The following TERF2 variants were observed in gnomAD, a reference collection of about 807,000 sequenced individuals.
TERF2 encodes the protein telomeric repeat binding factor 2.
TERF2 carries 16 observed loss-of-function variants against 56.1 expected under a neutral mutation model. The observed-to-expected ratio is 0.29, with a 90% CI of 0.19 to 0.43. The LOEUF (loss-of-function observed/expected upper bound fraction) is 0.43. Among genes scored for constraint, TERF2 ranks in the 20% least tolerant of loss-of-function variants. The probability of loss-of-function intolerance (pLI) is 1.00; values close to 1 mark genes in which losing one functional copy is unlikely to be tolerated. For missense variants in TERF2, 547 were observed against 712.9 expected (o/e 0.77, Z 2.65); for synonymous variants, 296 against 282.1 (o/e 1.05, Z -0.50).
Position 69,385,385 on chromosome 16 carries a change from C to T in TERF2, c.475+6G>A. 1 of 1,612,600 alleles carries T rather than the reference C, an allele frequency of 6.2e-7. No individual in the cohort carries two copies. Among genetic ancestry groups the T allele is most frequent in the Non-Finnish European group, 8.5e-7 (1 of 1,178,758 alleles). Reference sequence around the variant, plus strand: ...AGCCCAGAGAAGAACACAAAAATAGCCATACCTAAATTTTCCCCTTCTTCA... The same window carrying T: ...AGCCCAGAGAAGAACACAAAAATAGTCATACCTAAATTTTCCCCTTCTTCA... On this transcript the variant is annotated splice_donor_region_variant and intron_variant, in intron 2 of 9. Coordinates refer to ENST00000254942, the MANE Select transcript of TERF2 (RefSeq NM_005652.5).
In TERF2 at chr16:69,359,627, A is replaced by ATTTTT. The variant is rs564611021; in HGVS notation, c.1426+1772_1426+1776dup. ...AATCTTCCTCTTACTATCATTCCCAATTTTTTTTTTTTTTTTTTTTTTTTT... is the reference window on the plus strand; with the variant it reads ...AATCTTCCTCTTACTATCATTCCCAATTTTTTTTTTTTTTTTTTTTTTTTTTTTTT... On this transcript the variant is annotated intron_variant, in intron 8 of 9. Coordinates refer to ENST00000254942, the MANE Select transcript of TERF2 (RefSeq NM_005652.5). Among the ~76,000 whole-genome samples, 65 of 72,588 alleles carry ATTTTT rather than the reference A, an allele frequency of 9.0e-4. 14 individuals carry two copies. The highest frequency in any genetic ancestry group is 2.8e-3 in the African/African-American group (45 of 16,134). The allele number at this position is 72,588 out of a possible 152,430, so 47.6% of individuals were successfully genotyped here.
At chr16:69,383,078 C>T (rs553287388) in intron 3 of TERF2, among the ~76,000 whole-genome samples, 24 of 152,160 alleles carry the variant, frequency 1.6e-4, no homozygotes, top group African/African-American at 5.1e-4. Context: ...ATAATAAATA[C>T]GCAGCTGAAA....
intron 3 of TERF2, among the ~76,000 whole-genome samples, chr16:69,374,685 G>A (rs992539979): frequency 5.7e-4 from 70 of 122,718 alleles, no homozygotes; most frequent in African/African-American, 1.9e-3. Flanking sequence ...AAAAAAAAAA[G>A]GGCCAGGCGC....
chr16:69,369,778 T>C (rs1047224515), intron 5 of TERF2, among the ~76,000 whole-genome samples: 3 of 152,342 alleles, frequency 2.0e-5, no homozygotes, highest in Middle Eastern at 3.4e-3. Context: ...CTTTCAACTT[T>C]ATACTTTCAG....
intron 9 of TERF2, 81 bp from the exon 10 acceptor site, chr16:69,357,137 A>T (rs1196453528): frequency 1.4e-6 from 2 of 1,453,890 alleles, no homozygotes; most frequent in Non-Finnish European, 1.8e-6. Context: ...GATAAGGTAA[A>T]CTCAAGAATC....
At position 69,356,244 on chromosome 16, in the gene TERF2, G is replaced by A. The variant is rs1253017728; in HGVS notation, c.*654C>T. 2.2e-6 allele frequency: 1 copy of A among 453,266 alleles called. No individual in the cohort carries two copies. The highest frequency in any genetic ancestry group is 4.4e-6 in the Non-Finnish European group (1 of 225,976). 28.1% of individuals were successfully genotyped at this position (453,266 alleles called of 1,614,324 possible). On this transcript the variant is annotated 3_prime_UTR_variant, in exon 10 of 10. Coordinates refer to ENST00000254942, the MANE Select transcript of TERF2 (RefSeq NM_005652.5). ...TTAACAGGTCATGGAGTCACAAGTGGCTCCTAATAGACTTCACCATTTCCT... is the reference window on the plus strand; with the variant it reads ...TTAACAGGTCATGGAGTCACAAGTGACTCCTAATAGACTTCACCATTTCCT...
intron 2 of TERF2, 176 bp from the exon 3 acceptor site, chr16:69,384,886 A>C: frequency 1.8e-6 from 1 of 554,220 alleles, no homozygotes; most frequent in Non-Finnish European, 2.8e-6. Context: ...CCAAATTCAA[A>C]TCAATGAATT....
At chr16:69,365,175 C>T (rs2013293029) in intron 7 of TERF2, 1 of 152,228 alleles carries the variant, frequency 6.6e-6, no homozygotes, top group East Asian at 1.9e-4. Flanking sequence ...CATCTGTTCC[C>T]GGGAGCAATA....
At chr16:69,375,837 G>A (rs989741305) in intron 3 of TERF2, among the ~76,000 whole-genome samples, 1 of 152,082 alleles carries the variant, frequency 6.6e-6, no homozygotes, top group South Asian at 2.1e-4. Flanking sequence ...AGTAAATGAT[G>A]TTGAACATCT....
intron 6 of TERF2, 94 bp downstream of exon 6, chr16:69,368,282 G>A (rs1269334707): frequency 4.3e-6 from 5 of 1,152,774 alleles, no homozygotes; most frequent in Non-Finnish European, 6.3e-6. Context: ...GTAGGTCGGA[G>A]TGCTGAGAGG....
intron 3 of TERF2, among the ~76,000 whole-genome samples, chr16:69,383,858 T>C (rs533953113): frequency 6.6e-6 from 1 of 152,336 alleles, no homozygotes; most frequent in African/African-American, 2.4e-5. Flanking sequence ...GTTTTCCATC[T>C]TCACCTCTGC....
chr16:69,368,063 A>G (rs1397462986), intron 6 of TERF2, among the ~76,000 whole-genome samples: 1 of 152,246 alleles, frequency 6.6e-6, no homozygotes, highest in Non-Finnish European at 1.5e-5. Context: ...AGATCTGAGC[A>G]GTGCTTCCTG....
chr16:69,377,952 T>C (rs1300013791), intron 3 of TERF2, among the ~76,000 whole-genome samples: 5 of 152,178 alleles, frequency 3.3e-5, no homozygotes, highest in African/African-American at 1.2e-4. Flanking sequence ...CCTTGCCTTA[T>C]TGCACTGGTT....
chr16:69,377,829 C>T (rs2013849939), intron 3 of TERF2, among the ~76,000 whole-genome samples: 1 of 151,798 alleles, frequency 6.6e-6, no homozygotes, highest in African/African-American at 2.4e-5. Flanking sequence ...GTTGATCTTG[C>T]TAAACTTACA....
intron 8 of TERF2, among the ~76,000 whole-genome samples, chr16:69,360,724 A>AG (rs2013106799): frequency 6.6e-6 from 1 of 151,708 alleles, no homozygotes; most frequent in Admixed American, 6.6e-5. Context: ...AAAAAAAAAA[A>AG]AAGGATTTAT....
At chr16:69,384,397 T>G (rs979750073) in intron 3 of TERF2, among the ~76,000 whole-genome samples, 183 bp downstream of exon 3, 4 of 152,184 alleles carry the variant, frequency 2.6e-5, no homozygotes, top group African/African-American at 9.7e-5. Context: ...CTGCCATTAC[T>G]TCCCAAGCCT....
Position 69,370,503 on chromosome 16 carries a change from C to G in TERF2, c.820G>C (p.Ala274Pro). Residue 274 changes from alanine to proline, a missense_variant, in exon 5 of 10, where the codon GCC becomes CCC. Ala to Pro is a conservative substitution (Grantham distance 27). Transcript: ENST00000254942. ...CGCACCGTGAGGAGGTAGGGCTCGG[C>G]GTCATCCAGGTGGCTCTCCAGGAAG... is the stretch of plus-strand genomic sequence containing the variant. ...LRFLESHLDD[A>P]EPYLLTMAKK... is the part of the protein sequence containing the mutation. 6.2e-7 allele frequency: 1 copy of G among 1,614,176 alleles called. No individual in the cohort carries two copies. Among genetic ancestry groups the G allele is most frequent in the Non-Finnish European group, 8.5e-7 (1 of 1,180,040 alleles).
intron 8 of TERF2, among the ~76,000 whole-genome samples, chr16:69,359,050 TA>T (rs2013027110): frequency 6.6e-6 from 1 of 152,228 alleles, no homozygotes; most frequent in Non-Finnish European, 1.5e-5. Flanking sequence ...TTACAATGCC[TA>T]TGACATCTAC....
At chr16:69,378,286 GAC>G (rs1311326310) in intron 3 of TERF2, among the ~76,000 whole-genome samples, 2 of 152,162 alleles carry the variant, frequency 1.3e-5, no homozygotes, top group South Asian at 4.1e-4. Flanking sequence ...CAAGCAGCAG[GAC>G]AGACAGTGGA....
Sources: gnomAD v4.1 joint callset for allele counts (sites outside exome capture counted in the v4.1 genomes callset) on GRCh38, gnomAD v4.1.1 for gene constraint, MANE v1.5 for transcripts, NCBI Gene and HGNC (gene_info 2026-07-23, HGNC 2026-07-21) for gene names.